SDK1: variants seen among roughly 807,000 people sequenced by gnomAD.
The protein encoded by SDK1 is sidekick cell adhesion molecule 1.
Under a neutral mutation model 245.5 loss-of-function variants are expected in SDK1, and 157 were observed. The observed-to-expected ratio is 0.64, with a 90% CI of 0.56 to 0.73. The LOEUF is 0.73. Ranked by LOEUF, SDK1 falls within the 30% of genes least tolerant of loss-of-function variation. SDK1 has a pLI of 0.00. For synonymous variants in SDK1, 1,647 were observed against 1,278.5 expected (o/e 1.29, Z -6.15); for missense variants, 3,583 against 3,002.3 (o/e 1.19, Z -4.52).
At chr7:3,552,673 G>A (rs1203374843) in intron 1 of SDK1, among the ~76,000 whole-genome samples, 1 of 152,222 alleles carries the variant, frequency 6.6e-6, no homozygotes, top group East Asian at 1.9e-4. Context: ...ATTCATGGCT[G>A]TGAATCATAT....
chr7:3,867,578 TC>T (rs1390985906), intron 5 of SDK1, among the ~76,000 whole-genome samples: 3 of 152,042 alleles, frequency 2.0e-5, no homozygotes, highest in Non-Finnish European at 4.4e-5. Flanking sequence ...CAGGGGAGCT[TC>T]TCTTTATAAA....
In SDK1 at chr7:4,064,432, A is replaced by C. The variant is rs1269961599; in HGVS notation, c.2912-3406A>C. On this transcript the variant is annotated intron_variant, in intron 19 of 44. Transcript: ENST00000404826. ...AAAGACATAAAAAATGCTGACAATC[A>C]TGTGGAGAACAGGGAACTCTAATAC... 2.0e-5 allele frequency among the ~76,000 whole-genome samples: 3 copies of C among 152,220 alleles called. No individual in the cohort carries two copies. In the East Asian group the frequency reaches 5.8e-4, roughly 29 times the overall value.
At chr7:3,572,625 C>T (rs79748848) in intron 1 of SDK1, among the ~76,000 whole-genome samples, 158 of 152,066 alleles carry the variant, frequency 1.0e-3, no homozygotes, top group African/African-American at 3.7e-3. Context: ...TTTATTCTGA[C>T]GAGCTTTACT....
intron 4 of SDK1, among the ~76,000 whole-genome samples, chr7:3,676,258 A>T (rs537009066): frequency 2.7e-5 from 4 of 150,746 alleles, no homozygotes; most frequent in African/African-American, 7.3e-5. Flanking sequence ...GGCTCAAGTT[A>T]TACTCCTGCC....
chr7:3,608,050 C>G (rs1781477016), intron 1 of SDK1, among the ~76,000 whole-genome samples: 1 of 152,216 alleles, frequency 6.6e-6, no homozygotes, highest in African/African-American at 2.4e-5. Flanking sequence ...CGTGAGAAAA[C>G]TTCTGGCACC....
Position 4,079,598 on chromosome 7 carries a change from TAG to T in SDK1, c.3324+16_3324+17del. ...GTTGAGGGGCAGGTACGTGTGTCGT[TAG>T]ACTGGGAGCTGGCATTTGCGAAGAG... On this transcript the variant is annotated intron_variant, in intron 22 of 44. Coordinates refer to ENST00000404826, the MANE Select transcript of SDK1 (RefSeq NM_152744.4). 6.2e-7 allele frequency: 1 copy of T among 1,613,920 alleles called. No homozygotes were observed. Among genetic ancestry groups the T allele is most frequent in the South Asian group, 1.1e-5 (1 of 91,072 alleles).
chr7:3,752,516 C>G (rs150609483), intron 4 of SDK1, among the ~76,000 whole-genome samples: 33 of 152,242 alleles, frequency 2.2e-4, no homozygotes, highest in Non-Finnish European at 4.7e-4. Context: ...AACTCTTGGT[C>G]AAAGTGATTT....
At chr7:4,115,053 G>A (rs17825860) in intron 25 of SDK1, among the ~76,000 whole-genome samples, 29,183 of 152,156 alleles carry the variant, frequency 0.19, 3,118 homozygotes, top group Middle Eastern at 0.3. Context: ...ACTAACTTCC[G>A]CTGGCCAACT....
chr7:3,915,618 C>T (rs1388101438), intron 5 of SDK1, among the ~76,000 whole-genome samples: 1 of 152,206 alleles, frequency 6.6e-6, no homozygotes, highest in African/African-American at 2.4e-5. Context: ...TCCATTAAGC[C>T]TCTTTTTCTT....
At chr7:4,148,777 G>T (rs890738118) in intron 29 of SDK1, among the ~76,000 whole-genome samples, 1 of 152,224 alleles carries the variant, frequency 6.6e-6, no homozygotes, top group Non-Finnish European at 1.5e-5. Context: ...TAGCTGCTCA[G>T]CTGGGTGTAG....
intron 40 of SDK1, among the ~76,000 whole-genome samples, chr7:4,225,112 A>T (rs1785351876): frequency 6.7e-6 from 1 of 150,324 alleles, no homozygotes; most frequent in African/African-American, 2.4e-5. Flanking sequence ...GGATCCCAGC[A>T]GATGGGTGGC....
intron 40 of SDK1, among the ~76,000 whole-genome samples, chr7:4,224,695 A>G (rs1293018738): frequency 6.6e-6 from 1 of 152,070 alleles, no homozygotes; most frequent in Non-Finnish European, 1.5e-5. Flanking sequence ...ACAGGGACCC[A>G]TGGTGCCGAG....
chr7:3,560,781 C>G (rs1407946225), intron 1 of SDK1, among the ~76,000 whole-genome samples: 3 of 152,186 alleles, frequency 2.0e-5, no homozygotes, highest in Non-Finnish European at 4.4e-5. Flanking sequence ...CTCCCCAGCT[C>G]TGCTCTTCCA....
chr7:3,539,390 A>G (rs751483198), intron 1 of SDK1, among the ~76,000 whole-genome samples: 1 of 152,188 alleles, frequency 6.6e-6, no homozygotes, highest in Non-Finnish European at 1.5e-5. Context: ...GCAAGTTTCC[A>G]TGGGATTTTA....
At chr7:3,699,288 A>G (rs866716601) in intron 4 of SDK1, among the ~76,000 whole-genome samples, 1 of 152,212 alleles carries the variant, frequency 6.6e-6, no homozygotes, top group African/African-American at 2.4e-5. Context: ...AACACCCACA[A>G]CAAGATGATA....
intron 1 of SDK1, among the ~76,000 whole-genome samples, chr7:3,472,757 T>C (rs1781223227): frequency 1.3e-5 from 2 of 152,238 alleles, no homozygotes; most frequent in African/African-American, 4.8e-5. Flanking sequence ...GCCAGTGACG[T>C]CCTGGAGTTT....
intron 1 of SDK1, among the ~76,000 whole-genome samples, chr7:3,478,977 G>GT (rs1562511245): frequency 6.6e-6 from 1 of 152,102 alleles, no homozygotes; most frequent in Non-Finnish European, 1.5e-5. Flanking sequence ...ATGTCATAAT[G>GT]TTTTTTGAAA....
At chr7:4,232,470 T>C (rs1785858231) in intron 40 of SDK1, among the ~76,000 whole-genome samples, 1 of 150,778 alleles carries the variant, frequency 6.6e-6, no homozygotes, top group Admixed American at 6.6e-5. Flanking sequence ...TCTTTGTTTG[T>C]TTTTTGAGAT....
intron 1 of SDK1, among the ~76,000 whole-genome samples, chr7:3,322,363 A>T (rs1004623807): frequency 6.6e-6 from 1 of 152,120 alleles, no homozygotes; most frequent in Non-Finnish European, 1.5e-5. Flanking sequence ...TATGTGCCAC[A>T]GTTTGTTTAT....
Sources: gnomAD v4.1 joint callset for allele counts (sites outside exome capture counted in the v4.1 genomes callset) on GRCh38, gnomAD v4.1.1 for gene constraint, MANE v1.5 for transcripts, NCBI Gene and HGNC (gene_info 2026-07-23, HGNC 2026-07-21) for gene names.